The following ZCCHC7 variants were observed in gnomAD, a reference collection of about 807,000 sequenced individuals.
The protein encoded by ZCCHC7 is zinc finger CCHC-type containing 7.
ZCCHC7 carries 35 observed loss-of-function variants against 52.0 expected under a neutral mutation model. The ratio of observed to expected loss-of-function variants is 0.67; its 90% CI spans 0.51 to 0.89. ZCCHC7 has a LOEUF of 0.89. Ranked by LOEUF, ZCCHC7 falls within the 40% of genes least tolerant of loss-of-function variation. The pLI, the probability that ZCCHC7 is intolerant of heterozygous loss-of-function variation, is 0.00. For synonymous variants in ZCCHC7, 217 were observed against 221.5 expected (o/e 0.98, Z 0.18); for missense variants, 574 against 649.1 (o/e 0.88, Z 1.26).
chr9:37,298,087 G>A (rs1828866827), intron 2 of ZCCHC7, among the ~76,000 whole-genome samples: 1 of 152,180 alleles, frequency 6.6e-6, no homozygotes. Context: ...GTGAACATTA[G>A]TGTAAGCATA....
intron 2 of ZCCHC7, among the ~76,000 whole-genome samples, chr9:37,229,036 G>A (rs575121401): frequency 6.6e-6 from 1 of 151,894 alleles, no homozygotes; most frequent in African/African-American, 2.4e-5. Flanking sequence ...GGGTTTCACC[G>A]TGTTGCCAGG....
chr9:37,172,191 T>C (rs1821766862), intron 2 of ZCCHC7, among the ~76,000 whole-genome samples: 1 of 152,258 alleles, frequency 6.6e-6, no homozygotes, highest in Non-Finnish European at 1.5e-5. Flanking sequence ...AGATTCTTTA[T>C]GCACACCTTG....
At chr9:37,157,626 G>A (rs1820885677) in intron 2 of ZCCHC7, among the ~76,000 whole-genome samples, 1 of 152,262 alleles carries the variant, frequency 6.6e-6, no homozygotes, top group South Asian at 2.1e-4. Flanking sequence ...ATTAAAAAAT[G>A]GGGTAATGGA....
At chr9:37,256,680 A>G (rs1176276489) in intron 2 of ZCCHC7, among the ~76,000 whole-genome samples, 1 of 152,208 alleles carries the variant, frequency 6.6e-6, no homozygotes, top group Non-Finnish European at 1.5e-5. Flanking sequence ...TCGGTGAACC[A>G]GTATTTTCCA....
At chr9:37,336,642 A>G (rs1049442718) in intron 6 of ZCCHC7, among the ~76,000 whole-genome samples, 3 of 152,174 alleles carry the variant, frequency 2.0e-5, no homozygotes, top group African/African-American at 7.2e-5. Flanking sequence ...ATTGGGGTTC[A>G]TGTACAATCA....
intron 2 of ZCCHC7, among the ~76,000 whole-genome samples, chr9:37,190,725 T>C (rs1222766330): frequency 3.3e-5 from 5 of 152,150 alleles, no homozygotes; most frequent in African/African-American, 1.2e-4. Flanking sequence ...TGTTTAAGAA[T>C]ACATGCATTA....
chr9:37,280,020 G>A (rs963622903), intron 2 of ZCCHC7, among the ~76,000 whole-genome samples: 1 of 151,986 alleles, frequency 6.6e-6, no homozygotes. Context: ...CGGTCCTGGC[G>A]TCAGGCACTA....
chr9:37,308,019 T>C (rs571166910), intron 5 of ZCCHC7, among the ~76,000 whole-genome samples: 17 of 152,324 alleles, frequency 1.1e-4, no homozygotes, highest in East Asian at 9.6e-4. Context: ...AGCACTGCAC[T>C]CATCAACATT....
intron 2 of ZCCHC7, among the ~76,000 whole-genome samples, chr9:37,289,933 C>T (rs757327238): frequency 6.6e-6 from 1 of 152,180 alleles, no homozygotes; most frequent in Non-Finnish European, 1.5e-5. Context: ...GCTAATTCTT[C>T]CATCTCCTTT....
chr9:37,280,800 G>A (rs1378589836), intron 2 of ZCCHC7, among the ~76,000 whole-genome samples: 1 of 151,556 alleles, frequency 6.6e-6, no homozygotes, highest in Non-Finnish European at 1.5e-5. Flanking sequence ...ACAGAGTCTT[G>A]CTTTGTCACC....
At chr9:37,210,479 T>C (rs1331231159) in intron 2 of ZCCHC7, among the ~76,000 whole-genome samples, 1 of 152,248 alleles carries the variant, frequency 6.6e-6, no homozygotes, top group Non-Finnish European at 1.5e-5. Flanking sequence ...AATAAGATTA[T>C]GTAGAAAACA....
intron 2 of ZCCHC7, among the ~76,000 whole-genome samples, chr9:37,273,486 G>C (rs1345176634): frequency 6.6e-6 from 1 of 152,222 alleles, no homozygotes; most frequent in Non-Finnish European, 1.5e-5. Context: ...CTGGGCAACA[G>C]AGCGAGACTC....
At chr9:37,131,164 C>A (rs1436286930) in intron 2 of ZCCHC7, among the ~76,000 whole-genome samples, 1 of 150,610 alleles carries the variant, frequency 6.6e-6, no homozygotes, top group Non-Finnish European at 1.5e-5. Context: ...CACGGTGAAA[C>A]CCCGTCTCTA....
intron 2 of ZCCHC7, among the ~76,000 whole-genome samples, chr9:37,258,167 C>T (rs75897743): frequency 3.9e-5 from 6 of 152,276 alleles, no homozygotes; most frequent in Non-Finnish European, 7.4e-5. Flanking sequence ...TTTATCATGA[C>T]TTTGAGCACT....
intron 2 of ZCCHC7, among the ~76,000 whole-genome samples, chr9:37,238,755 C>T (rs942381546): frequency 6.6e-6 from 1 of 151,978 alleles, no homozygotes; most frequent in African/African-American, 2.4e-5. Context: ...TTTGCCCCAC[C>T]GCAGACTTGG....
chr9:37,130,851 G>A (rs1455427852), intron 2 of ZCCHC7, among the ~76,000 whole-genome samples: 2 of 151,950 alleles, frequency 1.3e-5, no homozygotes, highest in East Asian at 3.9e-4. Context: ...ACAAGTGGTT[G>A]AAACTTAAAA....
At chr9:37,346,524 A>T (rs1355723999) in intron 6 of ZCCHC7, among the ~76,000 whole-genome samples, 1 of 152,148 alleles carries the variant, frequency 6.6e-6, no homozygotes, top group Non-Finnish European at 1.5e-5. Flanking sequence ...AAAAATAGAA[A>T]AAATAGCTGG....
chr9:37,351,430 C>T (rs992495380), intron 7 of ZCCHC7, among the ~76,000 whole-genome samples: 2 of 152,082 alleles, frequency 1.3e-5, no homozygotes, highest in African/African-American at 2.4e-5. Context: ...CTCAGCCTCT[C>T]GAGTAGCTGG....
intron 2 of ZCCHC7, among the ~76,000 whole-genome samples, chr9:37,134,864 T>G (rs1247048919): frequency 6.6e-6 from 1 of 152,170 alleles, no homozygotes. Flanking sequence ...TAGCTAGGAT[T>G]ACAGGCATGT....
Sources: gnomAD v4.1 joint callset for allele counts (sites outside exome capture counted in the v4.1 genomes callset) on GRCh38, gnomAD v4.1.1 for gene constraint, MANE v1.5 for transcripts, NCBI Gene and HGNC (gene_info 2026-07-23, HGNC 2026-07-21) for gene names.